Variants in PLPPR1 observed in about 807,000 individuals in gnomAD.
PLPPR1 encodes phospholipid phosphatase-related protein type 1.
A neutral mutation model predicts 33.1 loss-of-function variants in PLPPR1; 10 were observed. The ratio of observed to expected loss-of-function variants is 0.30; its 90% confidence interval spans 0.19 to 0.51. PLPPR1 has a LOEUF of 0.51. Among genes scored for constraint, PLPPR1 ranks in the 20% least tolerant of loss-of-function variants. The pLI is 0.97. For synonymous variants in PLPPR1, 151 were observed against 151.0 expected (o/e 1.00, Z 0.00); for missense variants, 304 against 408.1 (o/e 0.74, Z 2.20).
chr9:101,318,808 CT>C (rs1829102214), intron 7 of PLPPR1, among the ~76,000 whole-genome samples: 1 of 151,886 alleles, frequency 6.6e-6, no homozygotes, highest in Non-Finnish European at 1.5e-5. Context: ...AAAAAAAACA[CT>C]GAAGACAGTG....
chr9:101,197,908 G>A (rs1214627691), intron 2 of PLPPR1, among the ~76,000 whole-genome samples: 2 of 152,136 alleles, frequency 1.3e-5, no homozygotes, highest in African/African-American at 4.8e-5. Context: ...TAGAAATAAT[G>A]AGAGTTGCTC....
intron 2 of PLPPR1, among the ~76,000 whole-genome samples, chr9:101,189,533 G>A (rs998115141): frequency 5.5e-4 from 84 of 152,036 alleles, no homozygotes; most frequent in African/African-American, 1.9e-3. Flanking sequence ...GAGTTGGGGG[G>A]TTAAATCCTC....
chr9:101,145,816 G>A (rs1831513999), intron 1 of PLPPR1, among the ~76,000 whole-genome samples: 1 of 149,714 alleles, frequency 6.7e-6, no homozygotes, highest in South Asian at 2.1e-4. Flanking sequence ...GACCAGCCTG[G>A]GCAACATGGC....
At chr9:101,245,104 T>C (rs948037833) in intron 2 of PLPPR1, among the ~76,000 whole-genome samples, 1 of 152,006 alleles carries the variant, frequency 6.6e-6, no homozygotes, top group African/African-American at 2.4e-5. Flanking sequence ...TTAAACACAA[T>C]TTGGTGTTAT....
chr9:101,232,866 G>A (rs554817429), intron 2 of PLPPR1, among the ~76,000 whole-genome samples: 13 of 151,954 alleles, frequency 8.6e-5, no homozygotes, highest in African/African-American at 2.2e-4. Context: ...GAAAATGTCC[G>A]GTTGTTCATA....
At chr9:101,283,000 A>G (rs1433869136) in intron 3 of PLPPR1, among the ~76,000 whole-genome samples, 1 of 152,140 alleles carries the variant, frequency 6.6e-6, no homozygotes, top group Non-Finnish European at 1.5e-5. Context: ...CTACCAAAAT[A>G]TCAATGATAC....
intron 1 of PLPPR1, among the ~76,000 whole-genome samples, chr9:101,137,555 G>A (rs1026143151): frequency 6.6e-6 from 1 of 152,180 alleles, no homozygotes; most frequent in African/African-American, 2.4e-5. Flanking sequence ...ACAGCTTCGT[G>A]AGCAGAGAGT....
At chr9:101,158,123 G>C (rs1221025957) in intron 1 of PLPPR1, among the ~76,000 whole-genome samples, 6 of 152,150 alleles carry the variant, frequency 3.9e-5, no homozygotes, top group Non-Finnish European at 8.8e-5. Context: ...AAAAGTGTTA[G>C]TTGGGTTTGG....
At chr9:101,163,741 A>G (rs1014843737) in intron 1 of PLPPR1, among the ~76,000 whole-genome samples, 2 of 152,208 alleles carry the variant, frequency 1.3e-5, no homozygotes, top group African/African-American at 4.8e-5. Flanking sequence ...AACTTCATCC[A>G]AAGTTTATTT....
At chr9:101,213,417 C>T (rs1261494789) in intron 2 of PLPPR1, among the ~76,000 whole-genome samples, 2 of 152,076 alleles carry the variant, frequency 1.3e-5, no homozygotes, top group Non-Finnish European at 2.9e-5. Flanking sequence ...GTTTAAATTT[C>T]ATATTATGTG....
intron 7 of PLPPR1, among the ~76,000 whole-genome samples, chr9:101,320,515 C>G (rs1369148174): frequency 1.3e-5 from 2 of 152,132 alleles, no homozygotes; most frequent in African/African-American, 4.8e-5. Flanking sequence ...ATTTGAACAT[C>G]CACGGAAAGT....
At chr9:101,043,032 T>G (rs893337798) in intron 1 of PLPPR1, among the ~76,000 whole-genome samples, 1 of 152,114 alleles carries the variant, frequency 6.6e-6, no homozygotes, top group African/African-American at 2.4e-5. Context: ...CAGAACCCAA[T>G]TGGTAACCTT....
At chr9:101,289,363 T>C (rs1043940213) in intron 4 of PLPPR1, among the ~76,000 whole-genome samples, 1 of 152,270 alleles carries the variant, frequency 6.6e-6, no homozygotes, top group Non-Finnish European at 1.5e-5. Flanking sequence ...CTCCTATTAA[T>C]TTATGATCGC....
chr9:101,300,830 C>T (rs946519301), intron 4 of PLPPR1, among the ~76,000 whole-genome samples: 29 of 152,166 alleles, frequency 1.9e-4, no homozygotes, highest in African/African-American at 6.0e-4. Context: ...GTTACCATAG[C>T]CTCTGGCAAA....
intron 2 of PLPPR1, among the ~76,000 whole-genome samples, chr9:101,219,529 G>GA (rs1171975976): frequency 6.6e-6 from 1 of 152,146 alleles, no homozygotes; most frequent in Non-Finnish European, 1.5e-5. Flanking sequence ...TCAGCACAGA[G>GA]ATGTATGTGT....
chr9:101,044,097 T>C (rs561209608), intron 1 of PLPPR1, among the ~76,000 whole-genome samples: 64 of 152,078 alleles, frequency 4.2e-4, no homozygotes, highest in Non-Finnish European at 6.6e-4. Context: ...TGGGAGAAAA[T>C]CTTCACAATC....
intron 4 of PLPPR1, among the ~76,000 whole-genome samples, chr9:101,308,784 T>G (rs1028357711): frequency 6.6e-6 from 1 of 152,204 alleles, no homozygotes; most frequent in African/African-American, 2.4e-5. Context: ...AGAGAACTGA[T>G]GTTGATTAAT....
chr9:101,055,210 A>G (rs560931029), intron 1 of PLPPR1, among the ~76,000 whole-genome samples: 32 of 152,338 alleles, frequency 2.1e-4, no homozygotes, highest in African/African-American at 7.7e-4. Flanking sequence ...CTGTAACATT[A>G]AATTGTTTTT....
intron 2 of PLPPR1, among the ~76,000 whole-genome samples, chr9:101,192,028 A>G (rs1475820918): frequency 1.3e-5 from 2 of 152,232 alleles, no homozygotes; most frequent in African/African-American, 4.8e-5. Flanking sequence ...GATAAATAAT[A>G]TGAAGTTCAG....
Sources: gnomAD v4.1 joint callset for allele counts (sites outside exome capture counted in the v4.1 genomes callset) on GRCh38, gnomAD v4.1.1 for gene constraint, MANE v1.5 for transcripts, NCBI Gene and HGNC (gene_info 2026-07-23, HGNC 2026-07-21) for gene names.